IKZF2: variants seen among roughly 807,000 people sequenced by gnomAD.
IKZF2 encodes zinc finger protein Helios.
A neutral mutation model predicts 49.2 loss-of-function variants in IKZF2; 15 were observed. The ratio of observed to expected loss-of-function variants is 0.30; its 90% CI spans 0.20 to 0.47. IKZF2 has a LOEUF of 0.47. Among genes scored for constraint, IKZF2 ranks in the 20% least tolerant of loss-of-function variants. IKZF2 has a pLI of 1.00. For synonymous variants in IKZF2, 227 were observed against 221.4 expected (o/e 1.03, Z -0.23); for missense variants, 567 against 664.6 (o/e 0.85, Z 1.61).
intron 7 of IKZF2, among the ~76,000 whole-genome samples, chr2:213,020,941 A>C (rs1333532875): frequency 6.6e-6 from 1 of 152,206 alleles, no homozygotes. Flanking sequence ...GGCCAGGTGC[A>C]ATGGTTCACA....
chr2:213,123,035 A>G (rs776539685), intron 4 of IKZF2, among the ~76,000 whole-genome samples: 2 of 152,210 alleles, frequency 1.3e-5, no homozygotes, highest in Non-Finnish European at 2.9e-5. Flanking sequence ...GCACAGTAAA[A>G]CTGCCACTCA....
intron 4 of IKZF2, among the ~76,000 whole-genome samples, chr2:213,061,162 C>T (rs1218296163): frequency 6.6e-6 from 1 of 151,316 alleles, no homozygotes; most frequent in Non-Finnish European, 1.5e-5. Context: ...AATTTCAAGC[C>T]AAACAATTTT....
intron 4 of IKZF2, among the ~76,000 whole-genome samples, chr2:213,120,625 A>G (rs539998183): frequency 6.6e-6 from 1 of 152,366 alleles, no homozygotes; most frequent in Non-Finnish European, 1.5e-5. Context: ...AATGGCAAAC[A>G]AATTTTTGTA....
intron 4 of IKZF2, among the ~76,000 whole-genome samples, chr2:213,070,405 T>G (rs1386606511): frequency 1.3e-5 from 2 of 152,106 alleles, no homozygotes; most frequent in African/African-American, 2.4e-5. Context: ...CTTTACATAT[T>G]AAAACTCCTG....
At chr2:213,061,631 G>C (rs1286547652) in intron 4 of IKZF2, among the ~76,000 whole-genome samples, 1 of 151,266 alleles carries the variant, frequency 6.6e-6, no homozygotes. Context: ...AAAGAACAAA[G>C]ACAGCACTGA....
At chr2:213,010,285 A>G (rs1276014008) in intron 8 of IKZF2, among the ~76,000 whole-genome samples, 2 of 152,222 alleles carry the variant, frequency 1.3e-5, no homozygotes, top group South Asian at 2.1e-4. Flanking sequence ...GAAATAACTG[A>G]TATCACCCAG....
At chr2:213,114,497 C>G (rs1008787192) in intron 4 of IKZF2, among the ~76,000 whole-genome samples, 6 of 152,072 alleles carry the variant, frequency 3.9e-5, no homozygotes, top group African/African-American at 1.4e-4. Context: ...GAACCAAATG[C>G]CTTCCCAAAA....
intron 7 of IKZF2, among the ~76,000 whole-genome samples, chr2:213,017,254 C>T (rs1219308496): frequency 6.6e-6 from 1 of 152,078 alleles, no homozygotes; most frequent in African/African-American, 2.4e-5. Context: ...AAAACTACTA[C>T]GTTGGGCCAC....
At chr2:213,106,182 C>T (rs12990902) in intron 4 of IKZF2, among the ~76,000 whole-genome samples, 73 of 151,808 alleles carry the variant, frequency 4.8e-4, no homozygotes, top group Non-Finnish European at 4.6e-4. Context: ...AATTATAATC[C>T]AAATAATTAG....
At position 213,148,606 on chromosome 2, in the gene IKZF2, G is replaced by A; in HGVS notation, c.24C>T (p.Gly8=). Residue 8 remains glycine (G), a synonymous_variant, in exon 3 of 9, where the codon GGC becomes GGT. Coordinates refer to ENST00000434687, the MANE Select transcript of IKZF2 (RefSeq NM_001387220.1). METEAID[G]YITCDNELSP... Reference sequence around the variant, plus strand: ...AAAACTAATACTTACACGTTATATAGCCATCAATAGCCTCTGTTTCCATAG... The same window carrying A: ...AAAACTAATACTTACACGTTATATAACCATCAATAGCCTCTGTTTCCATAG... 6.2e-7 allele frequency: 1 copy of A among 1,610,732 alleles called. No homozygotes were observed. The highest frequency in any genetic ancestry group is 8.5e-7 in the Non-Finnish European group (1 of 1,177,184).
At chr2:213,124,381 A>G (rs2060186659) in intron 4 of IKZF2, among the ~76,000 whole-genome samples, 1 of 152,110 alleles carries the variant, frequency 6.6e-6, no homozygotes, top group African/African-American at 2.4e-5. Flanking sequence ...CAGCTCTGTC[A>G]TGAAACTGCC....
At chr2:213,124,237 C>T (rs1477714167) in intron 4 of IKZF2, among the ~76,000 whole-genome samples, 46 of 84,078 alleles carry the variant, frequency 5.5e-4, no homozygotes, top group African/African-American at 2.7e-3. Flanking sequence ...CGCACACATG[C>T]GCTCGCGCGC....
At position 213,000,542 on chromosome 2, in the gene IKZF2, A is replaced by G. The variant is rs1694805986; in HGVS notation, c.*6818T>C. On this transcript the variant is annotated 3_prime_UTR_variant, in exon 9 of 9. Coordinates refer to ENST00000434687, the MANE Select transcript of IKZF2 (RefSeq NM_001387220.1). Reference sequence around the variant, plus strand: ...GCCAAAGAAATGTTATCTTTTAACAAAACATGTATTTATATTACAGCAGTT... The same window carrying G: ...GCCAAAGAAATGTTATCTTTTAACAGAACATGTATTTATATTACAGCAGTT... The G allele has an allele frequency of 6.6e-6, 1 of 151,904 alleles. No homozygotes were observed. The highest frequency in any genetic ancestry group is 6.6e-5 in the Admixed American group (1 of 15,174). The allele number at this position is 151,904 out of a possible 1,614,324, so 9.4% of individuals were successfully genotyped here. A position where few individuals can be genotyped will look rare whatever the true frequency, so the allele number is the denominator to read the frequency against.
At chr2:213,103,198 A>C (rs1706922170) in intron 4 of IKZF2, among the ~76,000 whole-genome samples, 1 of 152,158 alleles carries the variant, frequency 6.6e-6, no homozygotes, top group Non-Finnish European at 1.5e-5. Flanking sequence ...TCACTCAGTC[A>C]GTAGCTAGTT....
intron 4 of IKZF2, among the ~76,000 whole-genome samples, chr2:213,114,807 C>T (rs2059817553): frequency 6.6e-6 from 1 of 151,852 alleles, no homozygotes; most frequent in Non-Finnish European, 1.5e-5. Context: ...TAGCGCGCGC[C>T]TGTAGTCCCA....
chr2:213,115,095 T>C (rs752508435), intron 4 of IKZF2, among the ~76,000 whole-genome samples: 3 of 152,206 alleles, frequency 2.0e-5, no homozygotes, highest in Admixed American at 6.5e-5. Context: ...GTGAAAAAGC[T>C]GGATAATAAA....
In IKZF2 at chr2:213,000,725, C is replaced by T. The variant is rs1044575482; in HGVS notation, c.*6635G>A. 6 of 151,946 alleles carry T rather than the reference C, an allele frequency of 3.9e-5. No homozygotes were observed. The highest frequency in any genetic ancestry group is 1.4e-4 in the African/African-American group (6 of 41,472). 9.4% of individuals were successfully genotyped at this position (151,946 alleles called of 1,614,324 possible). On this transcript the variant is annotated 3_prime_UTR_variant, in exon 9 of 9. Transcript: ENST00000434687. ...ATAGGTGATATGTAAGTGTTTAAAA[C>T]TCAGCTAAGTGCTTTGCTTTTATTT...
rs1470892236 is a variant in IKZF2, at chr2:213,029,521, T to G, written c.575-7391A>C. 2.0e-5 allele frequency among the ~76,000 whole-genome samples: 3 copies of G among 152,150 alleles called. No homozygotes were observed. In the South Asian group the frequency reaches 6.2e-4, roughly 32 times the overall value. ...GTTTTTATTCTAGATGATGCCAAATTATGTGTTCTTTTAATATTGATTGAT... is the reference window on the plus strand; with the variant it reads ...GTTTTTATTCTAGATGATGCCAAATGATGTGTTCTTTTAATATTGATTGAT... On this transcript the variant is annotated intron_variant, in intron 6 of 8. Transcript: ENST00000434687.
chr2:213,097,990 G>C, intron 4 of IKZF2: 1 of 299,610 alleles, frequency 3.3e-6, no homozygotes, highest in Middle Eastern at 4.2e-4. Context: ...TTTTTTACAA[G>C]AGTGATTAAA....
Sources: allele counts gnomAD v4.1 joint callset (sites outside exome capture counted in the v4.1 genomes callset), GRCh38; gene constraint gnomAD v4.1.1; transcripts MANE v1.5; gene names NCBI Gene and HGNC (gene_info 2026-07-23, HGNC 2026-07-21).